The following LHFPL3 variants were observed in gnomAD, a reference collection of about 807,000 sequenced individuals.
The protein encoded by LHFPL3 is LHFPL tetraspan subfamily member 3 protein.
Under a neutral mutation model 19.3 loss-of-function variants are expected in LHFPL3, and 5 were observed. The ratio of observed to expected loss-of-function variants is 0.26; its 90% CI spans 0.14 to 0.54. The LOEUF (loss-of-function observed/expected upper bound fraction) is 0.54, where lower values mean the gene tolerates loss of function less well. LHFPL3 is among the 20% of genes least tolerant of loss of function. LHFPL3 has a pLI of 0.94. For synonymous variants in LHFPL3, 133 were observed against 126.2 expected (o/e 1.05, Z -0.36); for missense variants, 249 against 307.4 (o/e 0.81, Z 1.42).
intron 1 of LHFPL3, among the ~76,000 whole-genome samples, chr7:104,453,427 A>G (rs964811923): frequency 1.3e-5 from 2 of 152,232 alleles, no homozygotes; most frequent in South Asian, 2.1e-4. Flanking sequence ...AGTGGGAGAT[A>G]GGGACCCTAT....
intron 1 of LHFPL3, among the ~76,000 whole-genome samples, chr7:104,612,319 A>G (rs1473131539): frequency 6.6e-6 from 1 of 152,140 alleles, no homozygotes; most frequent in African/African-American, 2.4e-5. Flanking sequence ...TATTTTGAGG[A>G]TTGAATAAAA....
At chr7:104,711,907 T>C (rs895513037) in intron 1 of LHFPL3, among the ~76,000 whole-genome samples, 1 of 152,154 alleles carries the variant, frequency 6.6e-6, no homozygotes, top group African/African-American at 2.4e-5. Context: ...AACCCATAAG[T>C]ATCAAGAGCA....
At chr7:104,591,321 G>T (rs1385588683) in intron 1 of LHFPL3, among the ~76,000 whole-genome samples, 1 of 152,044 alleles carries the variant, frequency 6.6e-6, no homozygotes. Context: ...GGTGACAAAA[G>T]TCTCTCAGCA....
rs1791273498 is a variant in LHFPL3 at position 104,399,740 on chromosome 7, G to GT, written c.445+70516_445+70517insT. Among the ~76,000 whole-genome samples, 6 of 150,334 alleles carry GT rather than the reference G, an allele frequency of 4.0e-5. No individual in the cohort carries two copies. Among genetic ancestry groups the GT allele is most frequent in the Admixed American group, 2.0e-4 (3 of 15,010 alleles). On this transcript the variant is annotated intron_variant, in intron 1 of 2. Coordinates refer to ENST00000424859, the MANE Select transcript of LHFPL3 (RefSeq NM_199000.3). This position sits in a 1 kb window ranked among gnomAD's most constrained non-coding sequence, Gnocchi z 4.4. ...GCCCACCTCGGCCTCCCAAAGTGCT[G>GT]GGATTACAGTTGTAAGCCACTGCGC...
intron 1 of LHFPL3, among the ~76,000 whole-genome samples, chr7:104,649,730 C>T (rs1483939607): frequency 1.3e-5 from 2 of 152,170 alleles, no homozygotes; most frequent in South Asian, 4.1e-4. Context: ...GAGTTGTGAA[C>T]TCAGGGAGTT....
chr7:104,806,072 C>G (rs780759247), intron 2 of LHFPL3, among the ~76,000 whole-genome samples: 25 of 152,198 alleles, frequency 1.6e-4, no homozygotes, highest in Non-Finnish European at 3.2e-4. Context: ...ACTGACAATG[C>G]AGGAACTACG....
intron 1 of LHFPL3, among the ~76,000 whole-genome samples, chr7:104,686,995 T>C (rs181458644): frequency 1.1e-4 from 16 of 152,300 alleles, no homozygotes; most frequent in African/African-American, 3.6e-4. Flanking sequence ...GCCCCCATAA[T>C]CTAATCACCT....
chr7:104,783,635 G>T (rs1789854732), intron 2 of LHFPL3, among the ~76,000 whole-genome samples: 1 of 152,172 alleles, frequency 6.6e-6, no homozygotes. Context: ...TTCTGAGGAG[G>T]TACAGGATAC....
chr7:104,760,441 C>T lies in LHFPL3; in HGVS notation c.682+23530C>T, dbSNP rs377234197. Among the ~76,000 whole-genome samples, 9 of 152,262 alleles carry T rather than the reference C, an allele frequency of 5.9e-5. 1 individual carries two copies. Among genetic ancestry groups the T allele is most frequent in the African/African-American group, 2.2e-4 (9 of 41,550 alleles). On this transcript the variant is annotated intron_variant, in intron 2 of 2. Coordinates refer to ENST00000424859, the MANE Select transcript of LHFPL3 (RefSeq NM_199000.3). ...TGTAATAGGGAAGCATTCACCTCTTCCCTCAGTTCTTGCAAGGAAGCAGAA... is the reference window on the plus strand; with the variant it reads ...TGTAATAGGGAAGCATTCACCTCTTTCCTCAGTTCTTGCAAGGAAGCAGAA...
intron 2 of LHFPL3, chr7:104,796,597 C>A (rs1209147024): frequency 6.6e-6 from 1 of 152,268 alleles, no homozygotes; most frequent in African/African-American, 2.4e-5. Flanking sequence ...AAATTGGAGT[C>A]AAGGGCTACC....
intron 1 of LHFPL3, among the ~76,000 whole-genome samples, chr7:104,697,222 G>A (rs1389676123): frequency 1.3e-5 from 2 of 152,094 alleles, no homozygotes; most frequent in African/African-American, 4.8e-5. Flanking sequence ...TCCAATATAT[G>A]AATTTGCGGG....
intron 1 of LHFPL3, among the ~76,000 whole-genome samples, chr7:104,649,962 A>G (rs894409099): frequency 2.0e-5 from 3 of 152,188 alleles, no homozygotes; most frequent in African/African-American, 7.2e-5. Context: ...TGCCTTTTTG[A>G]TAGATCCTCA....
intron 2 of LHFPL3, among the ~76,000 whole-genome samples, chr7:104,739,772 G>A (rs1385040332): frequency 6.6e-6 from 1 of 152,192 alleles, no homozygotes; most frequent in Non-Finnish European, 1.5e-5. Context: ...ATGACTTTCA[G>A]TGTCATGGAA....
chr7:104,557,269 C>T (rs1789863240), intron 1 of LHFPL3, among the ~76,000 whole-genome samples: 2 of 152,058 alleles, frequency 1.3e-5, no homozygotes, highest in Non-Finnish European at 2.9e-5. Flanking sequence ...AAGACATACC[C>T]AAAACTGAGA....
At chr7:104,359,384 T>C (rs1790346982) in intron 1 of LHFPL3, among the ~76,000 whole-genome samples, 2 of 152,240 alleles carry the variant, frequency 1.3e-5, no homozygotes, top group African/African-American at 4.8e-5. Flanking sequence ...TATTATATAC[T>C]ATCATAGATG....
intron 2 of LHFPL3, among the ~76,000 whole-genome samples, chr7:104,777,135 C>G (rs12670336): frequency 0.3 from 45,375 of 151,870 alleles, 7,065 homozygotes; most frequent in South Asian, 0.39. Flanking sequence ...TATTATGTGG[C>G]CTTGGAGATT....
At chr7:104,720,927 T>G (rs1584496391) in intron 1 of LHFPL3, among the ~76,000 whole-genome samples, 1 of 152,200 alleles carries the variant, frequency 6.6e-6, no homozygotes, top group East Asian at 1.9e-4. Context: ...GGAATGCTTT[T>G]ACACTGTTGG....
At chr7:104,582,097 G>A (rs187374412) in intron 1 of LHFPL3, among the ~76,000 whole-genome samples, 30 of 151,846 alleles carry the variant, frequency 2.0e-4, no homozygotes, top group African/African-American at 6.5e-4. Flanking sequence ...TTGGCGTGTC[G>A]CCCCATTTAT....
intron 1 of LHFPL3, among the ~76,000 whole-genome samples, chr7:104,540,188 G>T (rs9656100): frequency 0.54 from 81,396 of 151,904 alleles, 22,113 homozygotes; most frequent in Middle Eastern, 0.65. Flanking sequence ...CGCTGTGATA[G>T]GAGAATGAGA....
Sources: allele counts gnomAD v4.1 joint callset (sites outside exome capture counted in the v4.1 genomes callset), GRCh38; gene constraint gnomAD v4.1.1; non-coding constraint Gnocchi (gnomAD v3.1); transcripts MANE v1.5; gene names NCBI Gene and HGNC (gene_info 2026-07-23, HGNC 2026-07-21).